ZNF385D: variants seen among roughly 807,000 people sequenced by gnomAD.
ZNF385D encodes zinc finger protein 385D.
In ZNF385D, 15 loss-of-function variants were observed where a neutral mutation model predicts 35.8. The observed-to-expected ratio is 0.42, with a 90% CI of 0.28 to 0.64. The LOEUF (loss-of-function observed/expected upper bound fraction) is 0.64. Among genes scored for constraint, ZNF385D ranks in the 30% least tolerant of loss-of-function variants. ZNF385D has a pLI of 0.23. For synonymous variants in ZNF385D, 212 were observed against 186.8 expected (o/e 1.13, Z -1.10); for missense variants, 474 against 494.6 (o/e 0.96, Z 0.39).
Position 22,256,315 on chromosome 3 carries a change from C to T in ZNF385D, c.107-87280G>A, listed in dbSNP as rs150690084. ...ATACACTAATCTATAAGGGTACTTA[C>T]GTAATTAAGAAAGGTCTCCCCAAAA... On this transcript the variant is annotated intron_variant, in intron 2 of 5. Transcript: ENST00000494108. 2.7e-3 allele frequency among the ~76,000 whole-genome samples: 403 copies of T among 151,106 alleles called. 6 individuals are homozygous for T. Among genetic ancestry groups the T allele is most frequent in the African/African-American group, 8.8e-3 (364 of 41,292 alleles).
At chr3:21,617,179 A>C (rs1044433182) in intron 2 of ZNF385D, among the ~76,000 whole-genome samples, 1 of 152,210 alleles carries the variant, frequency 6.6e-6, no homozygotes, top group Non-Finnish European at 1.5e-5. Flanking sequence ...TAAAGGTACA[A>C]AATTTTCATT....
In ZNF385D at chr3:21,928,527, T is replaced by C. The variant is rs80323355; in HGVS notation, c.325+240290A>G. Among the ~76,000 whole-genome samples, 761 of 152,258 alleles carry C rather than the reference T, an allele frequency of 5.0e-3. 4 individuals carry two copies. Among genetic ancestry groups the C allele is most frequent in the Middle Eastern group, 0.017 (5 of 294 alleles). On this transcript the variant is annotated intron_variant, in intron 3 of 5. Coordinates refer to the ZNF385D transcript ENST00000494108. ...CCACTGAGCAACCGCAGAATGTACATATTTTGCAGTTGCATGTGGAACATA... is the reference window on the plus strand; with the variant it reads ...CCACTGAGCAACCGCAGAATGTACACATTTTGCAGTTGCATGTGGAACATA...
At chr3:22,090,735 A>G (rs899080784) in intron 3 of ZNF385D, among the ~76,000 whole-genome samples, 6 of 152,192 alleles carry the variant, frequency 3.9e-5, no homozygotes, top group African/African-American at 1.4e-4. Flanking sequence ...GAAGGGGGAC[A>G]TACGTTTGAA....
Position 22,122,327 on chromosome 3 carries a change from G to GT in ZNF385D, c.325+46489dup, listed in dbSNP as rs765370146. On this transcript the variant is annotated intron_variant, in intron 3 of 5. Coordinates refer to the ZNF385D transcript ENST00000494108. ...GTTTCCATTTTTACCCTAAAAAATT[G>GT]TTTTTTTTCCACTGTAATTGATTCT... Among the ~76,000 whole-genome samples, 17 of 151,760 alleles carry GT rather than the reference G, an allele frequency of 1.1e-4. 1 individual carries two copies. Among genetic ancestry groups the GT allele is most frequent in the East Asian group, 7.7e-4 (4 of 5,162 alleles).
At chr3:21,747,915 G>A (rs532603251) in intron 1 of ZNF385D, among the ~76,000 whole-genome samples, 1 of 152,152 alleles carries the variant, frequency 6.6e-6, no homozygotes, top group Non-Finnish European at 1.5e-5. Flanking sequence ...ATGGGGGTGG[G>A]AGGGTAAATT....
At chr3:21,677,381 C>T (rs1292820209) in intron 1 of ZNF385D, among the ~76,000 whole-genome samples, 9 of 151,994 alleles carry the variant, frequency 5.9e-5, no homozygotes, top group South Asian at 2.1e-4. Context: ...TGGAGCTTGG[C>T]ATGAGGCACA....
intron 2 of ZNF385D, among the ~76,000 whole-genome samples, chr3:21,641,605 A>G (rs1325317052): frequency 7.8e-6 from 1 of 128,608 alleles, no homozygotes; most frequent in African/African-American, 2.9e-5. Flanking sequence ...TAAAATTTTT[A>G]TCATTTTACT....
chr3:22,370,121 A>T (rs560419411), intron 2 of ZNF385D, among the ~76,000 whole-genome samples: 218 of 152,336 alleles, frequency 1.4e-3, no homozygotes, highest in African/African-American at 4.7e-3. Context: ...TACTGTTTAA[A>T]ATAAAAGGGA....
At chr3:21,559,640 G>C (rs982067461) in intron 3 of ZNF385D, among the ~76,000 whole-genome samples, 3 of 152,028 alleles carry the variant, frequency 2.0e-5, no homozygotes, top group Admixed American at 1.3e-4. Flanking sequence ...TATGTGTCTT[G>C]GGGTTGCTCT....
chr3:22,083,754 A>G (rs567989946), intron 3 of ZNF385D, among the ~76,000 whole-genome samples: 118 of 152,284 alleles, frequency 7.7e-4, no homozygotes, highest in African/African-American at 2.8e-3. Context: ...ACTCCTCAAG[A>G]AGAGCATCCC....
chr3:22,255,360 A>T (rs1351299486), intron 2 of ZNF385D, among the ~76,000 whole-genome samples: 3 of 151,566 alleles, frequency 2.0e-5, no homozygotes, highest in Non-Finnish European at 4.4e-5. Flanking sequence ...ACAGACAAAT[A>T]TATTATTGTT....
chr3:21,509,193 T>C (rs1035293688), intron 4 of ZNF385D, among the ~76,000 whole-genome samples: 14 of 152,156 alleles, frequency 9.2e-5, no homozygotes, highest in Non-Finnish European at 2.1e-4. Context: ...AAAGATGAAT[T>C]GTTGATTTAA....
chr3:21,734,158 T>A (rs1322864759), intron 1 of ZNF385D, among the ~76,000 whole-genome samples: 2 of 152,142 alleles, frequency 1.3e-5, no homozygotes, highest in Non-Finnish European at 2.9e-5. Context: ...TACATTAACT[T>A]ATAGAGAGCC....
intron 3 of ZNF385D, among the ~76,000 whole-genome samples, chr3:22,026,529 C>T (rs779194159): frequency 5.3e-5 from 8 of 152,156 alleles, no homozygotes; most frequent in Admixed American, 1.3e-4. Flanking sequence ...GGAAGTCAGA[C>T]AATTAATGGA....
intron 2 of ZNF385D, among the ~76,000 whole-genome samples, chr3:22,261,499 T>G (rs1436178818): frequency 6.6e-6 from 1 of 151,884 alleles, no homozygotes; most frequent in African/African-American, 2.4e-5. Flanking sequence ...ATTGTAAAAA[T>G]GTAGTGTCAA....
intron 2 of ZNF385D, among the ~76,000 whole-genome samples, chr3:22,225,067 C>A (rs1424503900): frequency 6.6e-6 from 1 of 152,158 alleles, no homozygotes; most frequent in African/African-American, 2.4e-5. Flanking sequence ...TTTGCAATTA[C>A]AGATAAAATT....
At chr3:22,085,055 C>A (rs1261519546) in intron 3 of ZNF385D, among the ~76,000 whole-genome samples, 1 of 152,184 alleles carries the variant, frequency 6.6e-6, no homozygotes, top group African/African-American at 2.4e-5. Flanking sequence ...ATATCAGAAT[C>A]TCTGCGACAC....
intron 2 of ZNF385D, among the ~76,000 whole-genome samples, chr3:22,176,347 A>T (rs970369852): frequency 6.6e-6 from 1 of 152,194 alleles, no homozygotes; most frequent in African/African-American, 2.4e-5. Context: ...ACTAAAAAGC[A>T]TTAATTGTTT....
chr3:21,792,984 T>C (rs2071992183), intron 3 of ZNF385D, among the ~76,000 whole-genome samples: 1 of 152,174 alleles, frequency 6.6e-6, no homozygotes. Flanking sequence ...GCCTACATAA[T>C]GCAAATAACA....
Sources: allele counts gnomAD v4.1 joint callset (sites outside exome capture counted in the v4.1 genomes callset), GRCh38; gene constraint gnomAD v4.1.1; transcripts MANE v1.5; gene names NCBI Gene and HGNC (gene_info 2026-07-23, HGNC 2026-07-21).